Variants in PKP2 observed in about 807,000 individuals in gnomAD.
PKP2 encodes plakophilin 2.
Under a neutral mutation model 83.4 loss-of-function variants are expected in PKP2, and 73 were observed. That is an observed-to-expected ratio of 0.88 (90% CI 0.72 to 1.06). The LOEUF is 1.06. Among genes scored for constraint, PKP2 ranks in the 50% least tolerant of loss-of-function variants. The pLI is 0.00. For missense variants in PKP2, 966 were observed against 1,065.4 expected, an observed-to-expected ratio of 0.91 and a Z score of 1.30; for synonymous variants, 409 against 430.4, an observed-to-expected ratio of 0.95 and a Z score of 0.62.
At chr12:32,843,064 CT>C (rs1956611557) in intron 5 of PKP2, 2 of 358,304 alleles carry the variant, frequency 5.6e-6, no homozygotes, top group Middle Eastern at 1.0e-3. Flanking sequence ...ACTGCAACTT[CT>C]GCCTCCCGGG....
chr12:32,799,472 G>GAC (rs1414111776), intron 10 of PKP2, among the ~76,000 whole-genome samples: 1 of 152,166 alleles, frequency 6.6e-6, no homozygotes, highest in Non-Finnish European at 1.5e-5. Context: ...ATATGAAAAA[G>GAC]ACACTTGTAC....
rs1956410714 is a variant in PKP2, at chr12:32,824,146, C to T, written c.1573G>A (p.Gly525Ser). ...TGCLRNMSSA[G>S]ADGRKAMRRC... ...CTCATCGCTTTTCTCCCATCAGCGC[C>T]AGCAGAACTCATGTTTCTATCAGAA... Residue 525 changes from glycine (G) to serine (S), a missense_variant, in exon 7 of 13, where the codon GGC becomes AGC. Coordinates refer to ENST00000340811, the MANE Select transcript of PKP2 (RefSeq NM_001005242.3). The T allele has an allele frequency of 1.9e-6, 3 of 1,610,572 alleles. No homozygotes were observed.
chr12:32,891,444 T>C (rs753094865), intron 1 of PKP2, among the ~76,000 whole-genome samples: 15 of 152,218 alleles, frequency 9.9e-5, no homozygotes, highest in Non-Finnish European at 1.8e-4. Flanking sequence ...AGGAATTCAA[T>C]TGTAGGGTAA....
Position 32,800,560 on chromosome 12 carries a change from T to C in PKP2, c.2167+1843A>G, listed in dbSNP as rs149365980. ...CTGGTTCTGCTACTTTACAGCTCTA[T>C]GGCCTGAGCAAGCTACTTAATGTCT... On this transcript the variant is annotated intron_variant, in intron 10 of 12. Transcript: ENST00000340811. Among the ~76,000 whole-genome samples, 60 of 152,342 alleles carry C rather than the reference T, an allele frequency of 3.9e-4. 1 individual carries two copies. Among genetic ancestry groups the C allele is most frequent in the African/African-American group, 1.4e-3 (59 of 41,582 alleles).
intron 7 of PKP2, 56 bp from the exon 8 acceptor site, chr12:32,822,687 T>C (rs1227824134): frequency 6.4e-7 from 1 of 1,572,346 alleles, no homozygotes; most frequent in Non-Finnish European, 8.7e-7. Flanking sequence ...CTTGCAGGTG[T>C]GATATCACAG....
chr12:32,841,988 T>G (rs1047032340), intron 5 of PKP2, among the ~76,000 whole-genome samples: 1 of 152,160 alleles, frequency 6.6e-6, no homozygotes. Context: ...TCCCCCATAT[T>G]AAAGAGAAAG....
At chr12:32,860,955 G>A (rs1956792781) in intron 4 of PKP2, among the ~76,000 whole-genome samples, 1 of 152,138 alleles carries the variant, frequency 6.6e-6, no homozygotes, top group Admixed American at 6.5e-5. Context: ...TTGAACTCGG[G>A]AGGTGGAGGT....
intron 1 of PKP2, among the ~76,000 whole-genome samples, chr12:32,882,997 T>TA (rs1343241848): frequency 6.6e-6 from 1 of 152,212 alleles, no homozygotes; most frequent in Non-Finnish European, 1.5e-5. Context: ...AACCTTCACT[T>TA]ACGCAACTCC....
intron 1 of PKP2, among the ~76,000 whole-genome samples, chr12:32,883,160 A>T (rs770981668): frequency 2.0e-5 from 3 of 152,224 alleles, no homozygotes; most frequent in Non-Finnish European, 4.4e-5. Flanking sequence ...ATAAGATTGA[A>T]TTTTTAAATC....
intron 4 of PKP2, among the ~76,000 whole-genome samples, chr12:32,862,017 C>A (rs534585425): frequency 6.6e-6 from 1 of 152,088 alleles, no homozygotes; most frequent in Non-Finnish European, 1.5e-5. Flanking sequence ...CCTGCCTCAG[C>A]CTCCTAAGTA....
intron 6 of PKP2, among the ~76,000 whole-genome samples, chr12:32,826,676 A>T (rs1196017421): frequency 6.6e-6 from 1 of 152,162 alleles, no homozygotes; most frequent in Admixed American, 6.6e-5. Context: ...GAAATAAAAC[A>T]ATTTTTTACT....
At chr12:32,850,726 T>A in intron 5 of PKP2, 40 bp downstream of exon 5, 2 of 1,488,722 alleles carry the variant, frequency 1.3e-6, no homozygotes, top group Non-Finnish European at 1.9e-6. Context: ...CTGGCTGGGG[T>A]GCAAATGTGT....
chr12:32,827,811 G>A (rs984658004), intron 6 of PKP2, among the ~76,000 whole-genome samples: 2 of 152,174 alleles, frequency 1.3e-5, no homozygotes, highest in African/African-American at 2.4e-5. Flanking sequence ...TATTAAAAAC[G>A]TGTAATTTAG....
intron 9 of PKP2, among the ~76,000 whole-genome samples, chr12:32,815,018 T>G (rs1956307851): frequency 6.6e-6 from 1 of 151,804 alleles, no homozygotes; most frequent in Admixed American, 6.6e-5. Flanking sequence ...TTCATTTAAC[T>G]TTTTTCTTTT....
At chr12:32,843,627 G>GGTGTCTT (rs1246747604) in intron 5 of PKP2, among the ~76,000 whole-genome samples, 1 of 152,152 alleles carries the variant, frequency 6.6e-6, no homozygotes, top group African/African-American at 2.4e-5. Context: ...CACTGTGTCT[G>GGTGTCTT]GTGTCTTGTG....
chr12:32,837,965 A>G (rs1453575943), intron 6 of PKP2, among the ~76,000 whole-genome samples: 21 of 152,258 alleles, frequency 1.4e-4, no homozygotes. Flanking sequence ...CATTCAATCC[A>G]GCAATCCCAT....
intron 7 of PKP2, among the ~76,000 whole-genome samples, chr12:32,823,063 A>T (rs912090911): frequency 1.3e-5 from 2 of 152,204 alleles, no homozygotes; most frequent in African/African-American, 4.8e-5. Context: ...TTTCAGAGGT[A>T]GACAGCACAC....
chr12:32,839,093 G>A (rs1311887704), intron 6 of PKP2, among the ~76,000 whole-genome samples: 2 of 152,080 alleles, frequency 1.3e-5, no homozygotes, highest in Non-Finnish European at 2.9e-5. Flanking sequence ...GTATATCTGT[G>A]GGAAAAAAGG....
intron 1 of PKP2, among the ~76,000 whole-genome samples, chr12:32,884,390 G>T (rs530524144): frequency 2.2e-4 from 33 of 152,266 alleles, no homozygotes; most frequent in African/African-American, 7.9e-4. Flanking sequence ...GGAGGCAGAA[G>T]TTGCAGTGAG....
Sources: gnomAD v4.1 joint callset for allele counts (sites outside exome capture counted in the v4.1 genomes callset) on GRCh38, gnomAD v4.1.1 for gene constraint, MANE v1.5 for transcripts, NCBI Gene and HGNC (gene_info 2026-07-23, HGNC 2026-07-21) for gene names.